ATRNL1: variants seen among roughly 807,000 people sequenced by gnomAD.
The protein encoded by ATRNL1 is attractin-like protein 1.
In ATRNL1, 95 loss-of-function variants were observed where a neutral mutation model predicts 182.7. The ratio of observed to expected loss-of-function variants is 0.52; its 90% CI spans 0.44 to 0.62. The LOEUF is 0.62. ATRNL1 is among the 20% of genes least tolerant of loss of function. ATRNL1 has a pLI of 0.00. For synonymous variants in ATRNL1, 576 were observed against 568.3 expected (o/e 1.01, Z -0.19); for missense variants, 1,471 against 1,679.5 (o/e 0.88, Z 2.17).
intron 26 of ATRNL1, among the ~76,000 whole-genome samples, chr10:115,629,509 G>A (rs1447376080): frequency 3.9e-5 from 6 of 152,128 alleles, no homozygotes; most frequent in African/African-American, 9.6e-5. Flanking sequence ...TTACTGAGGA[G>A]TTCTGGATAT....
chr10:115,556,052 G>A (rs1436540564), intron 26 of ATRNL1, among the ~76,000 whole-genome samples: 2 of 151,934 alleles, frequency 1.3e-5, no homozygotes, highest in South Asian at 4.1e-4. Context: ...GAGAACTTTA[G>A]AGATAGCCTG....
At chr10:115,925,208 C>G (rs2134574731) in intron 28 of ATRNL1, among the ~76,000 whole-genome samples, 1 of 152,254 alleles carries the variant, frequency 6.6e-6, no homozygotes, top group East Asian at 1.9e-4. Flanking sequence ...GACAATTTTA[C>G]TTCCTCTCTT....
chr10:115,430,240 T>A (rs1354798820), intron 21 of ATRNL1, among the ~76,000 whole-genome samples: 1 of 152,142 alleles, frequency 6.6e-6, no homozygotes, highest in East Asian at 1.9e-4. Context: ...GCTTTTTAAT[T>A]GGTAGTTATT....
intron 18 of ATRNL1, among the ~76,000 whole-genome samples, chr10:115,325,509 CTTTTTTCAGCAGATA>C (rs1261911947): frequency 1.3e-5 from 2 of 152,124 alleles, no homozygotes; most frequent in African/African-American, 2.4e-5. Context: ...AATTACCAGA[CTTTTTTCAGCAGATA>C]TTTTTTCTGC....
At position 115,093,740 on chromosome 10, in the gene ATRNL1, C is replaced by G; in HGVS notation, c.-11C>G. The G allele has an allele frequency of 1.4e-6, 2 of 1,412,888 alleles. No homozygotes were observed. Among genetic ancestry groups the G allele is most frequent in the South Asian group, 3.0e-5 (2 of 65,744 alleles). The allele number at this position is 1,412,888 out of a possible 1,614,324, so 87.5% of individuals were successfully genotyped here. A position where few individuals can be genotyped will look rare whatever the true frequency, so the allele number is the denominator to read the frequency against. ...CGAGCGCAGTCTCGCCGGGCAGGGG[C>G]GCCGGGGAAGATGGAGACTGGGGGC... On this transcript the variant is annotated 5_prime_UTR_variant, in exon 1 of 29. Transcript: ENST00000355044. The surrounding 1 kb of genome is among the most constrained non-coding windows in gnomAD (Gnocchi z 6.1).
chr10:115,713,449 G>GTGTCTGTGTGTGTGTGTT (rs1555055182), intron 26 of ATRNL1, among the ~76,000 whole-genome samples: 4 of 137,598 alleles, frequency 2.9e-5, no homozygotes, highest in South Asian at 2.6e-4. Context: ...GTGGCTGTGT[G>GTGTCTGTGTGTGTGTGTT]TGTGTGTGTG....
intron 1 of ATRNL1, among the ~76,000 whole-genome samples, chr10:115,103,558 G>A (rs1409101895): frequency 6.6e-6 from 1 of 151,896 alleles, no homozygotes. Context: ...TTTTGATACA[G>A]GTATACAATG....
chr10:115,104,546 C>G (rs1459654177), intron 1 of ATRNL1, among the ~76,000 whole-genome samples: 1 of 151,968 alleles, frequency 6.6e-6, no homozygotes, highest in Non-Finnish European at 1.5e-5. Context: ...CTTTTTAACT[C>G]GATATGATCC....
At chr10:115,928,664 G>C (rs1390066555) in intron 28 of ATRNL1, among the ~76,000 whole-genome samples, 3 of 151,826 alleles carry the variant, frequency 2.0e-5, no homozygotes, top group Admixed American at 6.6e-5. Context: ...TCTTTTTCCT[G>C]TTTGAATATT....
intron 19 of ATRNL1, among the ~76,000 whole-genome samples, chr10:115,387,799 A>G (rs1471309276): frequency 6.6e-6 from 1 of 152,028 alleles, no homozygotes; most frequent in Non-Finnish European, 1.5e-5. Flanking sequence ...ATTCCATTGT[A>G]TGGATATTTT....
At chr10:115,615,466 C>A (rs543151582) in intron 26 of ATRNL1, among the ~76,000 whole-genome samples, 1 of 151,930 alleles carries the variant, frequency 6.6e-6, no homozygotes, top group South Asian at 2.1e-4. Flanking sequence ...CTGGAGTGTA[C>A]AGTTTCTGTT....
chr10:115,833,917 C>T (rs1049849204), intron 27 of ATRNL1, among the ~76,000 whole-genome samples: 5 of 152,196 alleles, frequency 3.3e-5, no homozygotes, highest in Non-Finnish European at 5.9e-5. Context: ...AGGGCCTGCT[C>T]TTCACCATAT....
intron 1 of ATRNL1, among the ~76,000 whole-genome samples, chr10:115,119,289 C>G (rs1346691696): frequency 6.6e-6 from 1 of 151,922 alleles, no homozygotes; most frequent in Non-Finnish European, 1.5e-5. Flanking sequence ...AGGCTCTATA[C>G]TATAAGGAAA....
chr10:115,362,315 T>A (rs1186585572), intron 19 of ATRNL1, among the ~76,000 whole-genome samples: 1 of 152,012 alleles, frequency 6.6e-6, no homozygotes, highest in African/African-American at 2.4e-5. Context: ...AGTTAAAAAA[T>A]AGAATGAAAA....
chr10:115,826,661 T>C (rs1477399616), intron 27 of ATRNL1, among the ~76,000 whole-genome samples: 2 of 152,052 alleles, frequency 1.3e-5, no homozygotes, highest in Non-Finnish European at 2.9e-5. Flanking sequence ...AGAATAGAAT[T>C]TTATTGAGCA....
At chr10:115,459,883 T>G (rs1554969373) in intron 21 of ATRNL1, among the ~76,000 whole-genome samples, 1 of 152,146 alleles carries the variant, frequency 6.6e-6, no homozygotes, top group Non-Finnish European at 1.5e-5. Flanking sequence ...TTTTGTACTC[T>G]GTCCCTTTAT....
At chr10:115,274,844 G>A (rs1219377435) in intron 13 of ATRNL1, among the ~76,000 whole-genome samples, 1 of 152,170 alleles carries the variant, frequency 6.6e-6, no homozygotes, top group African/African-American at 2.4e-5. Context: ...TGTGTTAATT[G>A]CCCAAGCAAT....
chr10:115,481,305 G>A (rs4306223), intron 24 of ATRNL1, among the ~76,000 whole-genome samples: 1 of 150,110 alleles, frequency 6.7e-6, no homozygotes. Flanking sequence ...TTTTAAAAAA[G>A]AGCAAGGTGA....
intron 10 of ATRNL1, among the ~76,000 whole-genome samples, chr10:115,257,281 C>A (rs954511316): frequency 1.3e-5 from 2 of 152,172 alleles, no homozygotes; most frequent in African/African-American, 4.8e-5. Context: ...TTGTAGGTCT[C>A]CAAGGGCTTG....
Sources: gnomAD v4.1 joint callset for allele counts (sites outside exome capture counted in the v4.1 genomes callset) on GRCh38, gnomAD v4.1.1 for gene constraint, Gnocchi (gnomAD v3.1) non-coding constraint, MANE v1.5 for transcripts, NCBI Gene and HGNC (gene_info 2026-07-23, HGNC 2026-07-21) for gene names.